THSD7A: variants seen among roughly 807,000 people sequenced by gnomAD.
THSD7A encodes thrombospondin type-1 domain-containing protein 7A.
In THSD7A, 96 loss-of-function variants were observed where a neutral mutation model predicts 231.3. The ratio of observed to expected loss-of-function variants is 0.41; its 90% confidence interval spans 0.35 to 0.49. The LOEUF (loss-of-function observed/expected upper bound fraction) is 0.49, where lower values mean the gene tolerates loss of function less well. Among genes scored for constraint, THSD7A ranks in the 20% least tolerant of loss-of-function variants. The pLI is 0.05. For synonymous variants in THSD7A, 940 were observed against 743.3 expected, an observed-to-expected ratio of 1.26 and a Z score of -4.30; for missense variants, 2,290 against 2,070.2, an observed-to-expected ratio of 1.11 and a Z score of -2.06.
intron 1 of THSD7A, among the ~76,000 whole-genome samples, chr7:11,746,200 T>C (rs1782295217): frequency 6.6e-6 from 1 of 151,954 alleles, no homozygotes; most frequent in Non-Finnish European, 1.5e-5. Flanking sequence ...TTTAAACATT[T>C]ATTTTGGAAT....
At chr7:11,709,899 C>A (rs891236009) in intron 1 of THSD7A, among the ~76,000 whole-genome samples, 1 of 150,748 alleles carries the variant, frequency 6.6e-6, no homozygotes, top group Non-Finnish European at 1.5e-5. Context: ...GGGATCAGTG[C>A]AAACATGCAT....
chr7:11,584,479 AG>A (rs1562743642), intron 4 of THSD7A, among the ~76,000 whole-genome samples: 1 of 151,936 alleles, frequency 6.6e-6, no homozygotes, highest in Non-Finnish European at 1.5e-5. Context: ...AATCTTGACT[AG>A]GTGTTATATA....
chr7:11,672,241 T>G (rs1320175582), intron 1 of THSD7A, among the ~76,000 whole-genome samples: 1 of 152,144 alleles, frequency 6.6e-6, no homozygotes, highest in Non-Finnish European at 1.5e-5. Context: ...TATAAGATTT[T>G]TTGTTGTTGT....
At chr7:11,788,465 G>A (rs1244362158) in intron 1 of THSD7A, among the ~76,000 whole-genome samples, 2 of 151,914 alleles carry the variant, frequency 1.3e-5, no homozygotes, top group Non-Finnish European at 2.9e-5. Flanking sequence ...TTTCCTGAGA[G>A]CCTCTTGTTA....
At position 11,700,478 on chromosome 7, in the gene THSD7A, G is replaced by A. The variant is rs535108291; in HGVS notation, c.191-63517C>T. On this transcript the variant is annotated intron_variant, in intron 1 of 27. Transcript: ENST00000423059. ...TAATGCAAAAATTATTAACTCATATGAACAATTAATAAATATATTGACTCC... is the reference window on the plus strand; with the variant it reads ...TAATGCAAAAATTATTAACTCATATAAACAATTAATAAATATATTGACTCC... Among the ~76,000 whole-genome samples the A allele has an allele frequency of 7.0e-3, 1,063 of 151,086 alleles. 5 individuals carry two copies. Among genetic ancestry groups the A allele is most frequent in the Non-Finnish European group, 0.012 (796 of 67,376 alleles).
chr7:11,488,799 C>T (rs12536466), intron 6 of THSD7A, among the ~76,000 whole-genome samples: 20,008 of 152,164 alleles, frequency 0.13, 1,475 homozygotes, highest in Middle Eastern at 0.19. Flanking sequence ...CATTGCCTCA[C>T]GTTTTCTCTA....
chr7:11,779,167 T>C (rs1260907843), intron 1 of THSD7A, among the ~76,000 whole-genome samples: 1 of 152,176 alleles, frequency 6.6e-6, no homozygotes, highest in African/African-American at 2.4e-5. Flanking sequence ...ATTTTCAATA[T>C]ATCAAGCTCT....
chr7:11,382,924 T>TTATATATATA (rs140393382), intron 23 of THSD7A, among the ~76,000 whole-genome samples: 13 of 147,460 alleles, frequency 8.8e-5, no homozygotes, highest in African/African-American at 3.0e-4. Flanking sequence ...ATATATATAG[T>TTATATATATA]TATATATATA....
intron 2 of THSD7A, among the ~76,000 whole-genome samples, chr7:11,599,030 C>T (rs981099343): frequency 8.5e-5 from 13 of 152,100 alleles, no homozygotes; most frequent in African/African-American, 2.7e-4. Context: ...TACTCCATAA[C>T]AGAGGTAAGG....
chr7:11,406,368 T>C lies in THSD7A; in HGVS notation c.4169A>G (p.Asp1390Gly). Reference sequence around the variant, plus strand: ...ATTACCATCTATAATGAGTTCAATGTCAGCACAGAATTCCTCATCCACCAC... The same window carrying C: ...ATTACCATCTATAATGAGTTCAATGCCAGCACAGAATTCCTCATCCACCAC... ...SKVVDEEFCADIELIIDGNKN... is the reference protein window; with the variant it reads ...SKVVDEEFCAGIELIIDGNKN... The change falls in exon 22 of 28, where the codon GAC (aspartate) becomes GGC (glycine). Residue 1390 changes from aspartate (D) to glycine (G), a missense_variant. By Grantham distance (94) the Asp-to-Gly change is moderately conservative (BLOSUM62 -1). Transcript: ENST00000423059. The surrounding 1 kb of genome is among the most constrained non-coding windows in gnomAD (Gnocchi z 4.7). 6.2e-7 allele frequency: 1 copy of C among 1,613,994 alleles called. No individual in the cohort carries two copies. The highest frequency in any genetic ancestry group is 2.2e-5 in the East Asian group (1 of 44,880).
chr7:11,503,298 T>C (rs1787414282), intron 6 of THSD7A, among the ~76,000 whole-genome samples: 1 of 152,164 alleles, frequency 6.6e-6, no homozygotes, highest in African/African-American at 2.4e-5. Flanking sequence ...TTATGCCATA[T>C]ACAAAAATCA....
At chr7:11,392,205 C>T (rs1317617561) in intron 23 of THSD7A, among the ~76,000 whole-genome samples, 1 of 152,018 alleles carries the variant, frequency 6.6e-6, no homozygotes, top group Non-Finnish European at 1.5e-5. Context: ...TGGCTCATCT[C>T]ATTGGGACTG....
chr7:11,490,737 T>G (rs1165542330), intron 6 of THSD7A, among the ~76,000 whole-genome samples: 1 of 152,112 alleles, frequency 6.6e-6, no homozygotes, highest in Non-Finnish European at 1.5e-5. Context: ...ATGTTAATTT[T>G]CATGTGCTCC....
chr7:11,516,845 A>C (rs1788050096), intron 6 of THSD7A, among the ~76,000 whole-genome samples: 1 of 152,220 alleles, frequency 6.6e-6, no homozygotes, highest in Admixed American at 6.5e-5. Context: ...TTGTCATGTA[A>C]TGCCATTAGT....
At chr7:11,606,502 A>G (rs1212187581) in intron 2 of THSD7A, among the ~76,000 whole-genome samples, 2 of 152,120 alleles carry the variant, frequency 1.3e-5, no homozygotes, top group African/African-American at 4.8e-5. Flanking sequence ...TCATAAATAT[A>G]AAGCATTTTA....
chr7:11,498,629 C>G (rs1464216223), intron 6 of THSD7A, among the ~76,000 whole-genome samples: 1 of 152,156 alleles, frequency 6.6e-6, no homozygotes, highest in Non-Finnish European at 1.5e-5. Flanking sequence ...TCAAAACATG[C>G]CCAGACTGCT....
At position 11,636,966 on chromosome 7, in the gene THSD7A, A is replaced by C. The variant is rs1485627467; in HGVS notation, c.191-5T>G. The C allele has an allele frequency of 6.3e-7, 1 of 1,592,672 alleles. No homozygotes were observed. The highest frequency in any genetic ancestry group is 8.5e-7 in the Non-Finnish European group (1 of 1,171,690). ...CCATACATCGGCCCCATGGACCTACAAAAATTATAACACAAAAATTAGCAG... is the reference window on the plus strand; with the variant it reads ...CCATACATCGGCCCCATGGACCTACCAAAATTATAACACAAAAATTAGCAG... On this transcript the variant is annotated splice_polypyrimidine_tract_variant and splice_region_variant and intron_variant, in intron 1 of 27. Transcript: ENST00000423059. This position sits in a 1 kb window ranked among gnomAD's most constrained non-coding sequence, Gnocchi z 10.0.
In THSD7A at chr7:11,686,998, A is replaced by T. The variant is rs535744222; in HGVS notation, c.191-50037T>A. 9.9e-5 allele frequency among the ~76,000 whole-genome samples: 15 copies of T among 152,026 alleles called. No individual in the cohort carries two copies. In the East Asian group the frequency reaches 2.9e-3, roughly 30 times the overall value. On this transcript the variant is annotated intron_variant, in intron 1 of 27. Coordinates refer to ENST00000423059, the MANE Select transcript of THSD7A (RefSeq NM_015204.3). ...AAATTGGGGAAAATAAACAAACCCAAATACCTCTCAATGAATAAAAAAATA... is the reference window on the plus strand; with the variant it reads ...AAATTGGGGAAAATAAACAAACCCATATACCTCTCAATGAATAAAAAAATA...
chr7:11,720,046 T>C (rs553144772), intron 1 of THSD7A, among the ~76,000 whole-genome samples: 1 of 151,876 alleles, frequency 6.6e-6, no homozygotes, highest in Admixed American at 6.6e-5. Context: ...CTGCATGGCA[T>C]GACTGCAAAT....
Sources: gnomAD v4.1 joint callset for allele counts (sites outside exome capture counted in the v4.1 genomes callset) on GRCh38, gnomAD v4.1.1 for gene constraint, Gnocchi (gnomAD v3.1) non-coding constraint, MANE v1.5 for transcripts, NCBI Gene and HGNC (gene_info 2026-07-23, HGNC 2026-07-21) for gene names.